Variants in RTN1 observed in about 807,000 individuals in gnomAD.
RTN1 encodes reticulon 1.
A neutral mutation model predicts 65.5 loss-of-function variants in RTN1; 25 were observed. The ratio of observed to expected loss-of-function variants is 0.38; its 90% CI spans 0.28 to 0.53. The LOEUF (loss-of-function observed/expected upper bound fraction) is 0.53, where lower values mean the gene tolerates loss of function less well. Among genes scored for constraint, RTN1 ranks in the 20% least tolerant of loss-of-function variants. The pLI is 0.79. For missense variants in RTN1, 983 were observed against 1,025.4 expected (o/e 0.96, Z 0.57); for synonymous variants, 471 against 447.6 (o/e 1.05, Z -0.66).
intron 1 of RTN1, among the ~76,000 whole-genome samples, chr14:59,866,054 G>A (rs1887792861): frequency 1.3e-5 from 2 of 152,112 alleles, no homozygotes; most frequent in South Asian, 2.1e-4. Context: ...TGTGCCCATG[G>A]GGTTAGATTA....
Position 59,671,805 on chromosome 14 carries a change from A to G in RTN1, c.1765+55114T>C, listed in dbSNP as rs560432648. On this transcript the variant is annotated intron_variant, in intron 3 of 8. Transcript: ENST00000267484. ...GGGAACAGCTCTAAGCTTCCCCCAT[A>G]TGTCCACTCTACAGAGCTGGACCTG... is the stretch of plus-strand genomic sequence containing the variant. Among the ~76,000 whole-genome samples the G allele has an allele frequency of 7.2e-4, 109 of 152,358 alleles. 1 individual carries two copies. The highest frequency in any genetic ancestry group is 2.6e-3 in the African/African-American group (108 of 41,592).
chr14:59,716,250 A>C (rs1884532247), intron 3 of RTN1, among the ~76,000 whole-genome samples: 1 of 152,222 alleles, frequency 6.6e-6, no homozygotes, highest in Non-Finnish European at 1.5e-5. Context: ...GGAAAAAGAC[A>C]CTGGCTGAAA....
At chr14:59,806,963 T>A (rs1408354979) in intron 1 of RTN1, among the ~76,000 whole-genome samples, 2 of 152,204 alleles carry the variant, frequency 1.3e-5, no homozygotes, top group African/African-American at 2.4e-5. Context: ...GGCTGCGCCC[T>A]CAAAAGGCTG....
chr14:59,787,163 T>A (rs1346837748), intron 1 of RTN1, among the ~76,000 whole-genome samples: 1 of 152,158 alleles, frequency 6.6e-6, no homozygotes, highest in Non-Finnish European at 1.5e-5. Context: ...ATGTTATAAA[T>A]GATGATTTGC....
chr14:59,691,780 A>G (rs1171390671), intron 3 of RTN1, among the ~76,000 whole-genome samples: 1 of 152,236 alleles, frequency 6.6e-6, no homozygotes, highest in Non-Finnish European at 1.5e-5. Flanking sequence ...TTGATTTAAC[A>G]TATGTGCATT....
chr14:59,649,960 T>C (rs570104657), intron 3 of RTN1, among the ~76,000 whole-genome samples: 9 of 152,346 alleles, frequency 5.9e-5, no homozygotes, highest in East Asian at 1.9e-4. Context: ...TGTATGTTTA[T>C]TGCAGCATTA....
intron 3 of RTN1, among the ~76,000 whole-genome samples, chr14:59,654,419 ACTCTGT>A (rs1439771154): frequency 4.8e-5 from 6 of 124,750 alleles, no homozygotes; most frequent in African/African-American, 2.0e-4. Context: ...ACAGAGCGAG[ACTCTGT>A]CTCTGTGAAA....
intron 3 of RTN1, among the ~76,000 whole-genome samples, chr14:59,630,049 A>G (rs1459714279): frequency 1.3e-5 from 2 of 152,168 alleles, no homozygotes; most frequent in African/African-American, 4.8e-5. Flanking sequence ...TTCTGCCAGG[A>G]GATTTCAACC....
intron 1 of RTN1, among the ~76,000 whole-genome samples, chr14:59,842,138 TAAAAAAGAAAAAA>T (rs891703871): frequency 7.6e-5 from 11 of 145,532 alleles, no homozygotes; most frequent in African/African-American, 2.8e-4. Flanking sequence ...AAAAAAATTT[TAAAAAAGAAAAAA>T]AAAAAAGAAA....
intron 3 of RTN1, among the ~76,000 whole-genome samples, chr14:59,664,027 T>C (rs1293641934): frequency 1.3e-5 from 2 of 152,162 alleles, no homozygotes; most frequent in African/African-American, 2.4e-5. Flanking sequence ...CGTATGTTTA[T>C]TGCAGCACTA....
At chr14:59,768,887 G>A (rs1885900103) in intron 1 of RTN1, among the ~76,000 whole-genome samples, 2 of 152,122 alleles carry the variant, frequency 1.3e-5, no homozygotes, top group Non-Finnish European at 2.9e-5. Context: ...TTTTGTAGTT[G>A]AGGAAATTGA....
intron 1 of RTN1, among the ~76,000 whole-genome samples, chr14:59,852,530 T>C (rs1168116835): frequency 1.3e-5 from 2 of 152,162 alleles, no homozygotes; most frequent in South Asian, 4.1e-4. Context: ...TCCAAAAACG[T>C]TGGCAGCGAC....
chr14:59,776,857 C>A (rs952332550), intron 1 of RTN1, among the ~76,000 whole-genome samples: 1 of 152,128 alleles, frequency 6.6e-6, no homozygotes, highest in African/African-American at 2.4e-5. Context: ...AATAAAGCAA[C>A]AATGTAGGTT....
intron 3 of RTN1, among the ~76,000 whole-genome samples, chr14:59,609,644 C>A (rs1470345912): frequency 6.6e-6 from 1 of 152,182 alleles, no homozygotes; most frequent in Non-Finnish European, 1.5e-5. Context: ...GGCTAAAGGT[C>A]TAAAGCCAAG....
chr14:59,801,328 G>A (rs1246798483), intron 1 of RTN1, among the ~76,000 whole-genome samples: 1 of 152,060 alleles, frequency 6.6e-6, no homozygotes, highest in African/African-American at 2.4e-5. Flanking sequence ...GAGAACTAAA[G>A]ACATAGACAA....
intron 1 of RTN1, among the ~76,000 whole-genome samples, chr14:59,799,816 G>T (rs1364484258): frequency 6.6e-6 from 1 of 152,108 alleles, no homozygotes; most frequent in Non-Finnish European, 1.5e-5. Context: ...GCTGGGGTTG[G>T]CTGGGGGAGA....
At chr14:59,784,165 G>A (rs1054179117) in intron 1 of RTN1, among the ~76,000 whole-genome samples, 4 of 152,156 alleles carry the variant, frequency 2.6e-5, no homozygotes, top group East Asian at 1.9e-4. Flanking sequence ...CTGGCCAGGC[G>A]TGGTGGCTCA....
At position 59,638,565 on chromosome 14, in the gene RTN1, T is replaced by C. The variant is rs1277111776; in HGVS notation, c.1766-31073A>G. ...TCACCTTCATCAATGATCTTTGGAA[T>C]AACTTGCTGTAGCTTCTCCATTAGC... On this transcript the variant is annotated intron_variant, in intron 3 of 8. Coordinates refer to ENST00000267484, the MANE Select transcript of RTN1 (RefSeq NM_021136.3). 2.0e-5 allele frequency among the ~76,000 whole-genome samples: 3 copies of C among 152,250 alleles called. No individual in the cohort carries two copies. In the South Asian group the frequency reaches 6.2e-4, roughly 31 times the overall value.
intron 1 of RTN1, among the ~76,000 whole-genome samples, chr14:59,769,774 T>C (rs1885918095): frequency 6.6e-6 from 1 of 152,190 alleles, no homozygotes; most frequent in African/African-American, 2.4e-5. Flanking sequence ...GAGTTTACAG[T>C]ACATTGTCGA....
Sources: allele counts gnomAD v4.1 joint callset (sites outside exome capture counted in the v4.1 genomes callset), GRCh38; gene constraint gnomAD v4.1.1; transcripts MANE v1.5; gene names NCBI Gene and HGNC (gene_info 2026-07-23, HGNC 2026-07-21).